The following ANKRD44 variants were observed in gnomAD, a reference collection of about 807,000 sequenced individuals.
ANKRD44 encodes the protein serine/threonine-protein phosphatase 6 regulatory ankyrin repeat subunit B.
Under a neutral mutation model 116.0 loss-of-function variants are expected in ANKRD44, and 35 were observed. The observed-to-expected ratio is 0.30, with a 90% CI of 0.23 to 0.40. The LOEUF is 0.40. ANKRD44 is among the 10% of genes least tolerant of loss of function. ANKRD44 has a pLI of 1.00. For missense variants in ANKRD44, 1,014 were observed against 1,242.6 expected (o/e 0.82, Z 2.77); for synonymous variants, 435 against 461.8 (o/e 0.94, Z 0.74).
chr2:197,310,722 G>A lies in ANKRD44; in HGVS notation c.-118C>T. The A allele has an allele frequency of 9.1e-7, 1 of 1,100,604 alleles. No individual in the cohort carries two copies. The allele number at this position is 1,100,604 out of a possible 1,614,324, so 68.2% of individuals were successfully genotyped here. ...GGGAAAAAATCTGGCTCCCGAATTT[G>A]ACAGCCCTCCCCCTGCTCCTCCTCC... On this transcript the variant is annotated 5_prime_UTR_variant, in exon 1 of 28. Coordinates refer to ENST00000282272, the MANE Select transcript of ANKRD44 (RefSeq NM_001195144.2).
At chr2:197,117,632 A>G (rs1375762321) in intron 8 of ANKRD44, among the ~76,000 whole-genome samples, 1 of 151,856 alleles carries the variant, frequency 6.6e-6, no homozygotes, top group Non-Finnish European at 1.5e-5. Flanking sequence ...GGCCTCCCAA[A>G]GTGCTGGATT....
chr2:197,231,663 G>A (rs1022788943), intron 1 of ANKRD44, among the ~76,000 whole-genome samples: 12 of 151,584 alleles, frequency 7.9e-5, no homozygotes, highest in African/African-American at 2.9e-4. Flanking sequence ...AGAGGCCCGG[G>A]ATGCTGCTAA....
chr2:197,103,368 CAGATAT>C (rs1044499396), intron 9 of ANKRD44, among the ~76,000 whole-genome samples: 12 of 151,784 alleles, frequency 7.9e-5, no homozygotes, highest in African/African-American at 2.9e-4. Context: ...TTTTCTTTTT[CAGATAT>C]AGATATCTGA....
intron 1 of ANKRD44, among the ~76,000 whole-genome samples, chr2:197,282,698 C>T (rs1270326474): frequency 1.3e-5 from 2 of 152,202 alleles, no homozygotes; most frequent in Non-Finnish European, 2.9e-5. Flanking sequence ...GTGGCTCACA[C>T]TTGTAATCCC....
At chr2:197,060,610 G>T (rs949267801) in intron 16 of ANKRD44, among the ~76,000 whole-genome samples, 1 of 152,156 alleles carries the variant, frequency 6.6e-6, no homozygotes, top group East Asian at 1.9e-4. Context: ...TAGTCCTCAT[G>T]CTGTACGTTA....
At chr2:197,056,044 G>A (rs1373693916) in intron 16 of ANKRD44, among the ~76,000 whole-genome samples, 1 of 152,024 alleles carries the variant, frequency 6.6e-6, no homozygotes, top group East Asian at 1.9e-4. Flanking sequence ...GTGCCACCAT[G>A]CCTGGCTAAT....
intron 1 of ANKRD44, among the ~76,000 whole-genome samples, chr2:197,292,183 T>C (rs1418586718): frequency 6.6e-6 from 1 of 152,250 alleles, no homozygotes; most frequent in Non-Finnish European, 1.5e-5. Context: ...CCTTTGGATA[T>C]ATACCCAGTA....
intron 16 of ANKRD44, among the ~76,000 whole-genome samples, chr2:197,071,134 A>G (rs1369483124): frequency 6.6e-6 from 1 of 152,104 alleles, no homozygotes; most frequent in Non-Finnish European, 1.5e-5. Flanking sequence ...CACGTTTGTC[A>G]ATGTTACTGA....
At chr2:197,037,740 C>T (rs894971261) in intron 16 of ANKRD44, among the ~76,000 whole-genome samples, 14 of 152,158 alleles carry the variant, frequency 9.2e-5, no homozygotes, top group Admixed American at 3.9e-4. Flanking sequence ...GAGTTTGAGA[C>T]CAGCCTTGGC....
At chr2:197,039,200 G>C (rs2076862186) in intron 16 of ANKRD44, among the ~76,000 whole-genome samples, 1 of 152,162 alleles carries the variant, frequency 6.6e-6, no homozygotes. Flanking sequence ...CAAAAGAGGG[G>C]AGGAATGTTT....
chr2:197,081,036 G>A (rs1369888580), intron 15 of ANKRD44, among the ~76,000 whole-genome samples: 1 of 152,218 alleles, frequency 6.6e-6, no homozygotes, highest in African/African-American at 2.4e-5. Flanking sequence ...GGACGAAGCT[G>A]TAGAGGTTCC....
At chr2:197,064,458 G>C (rs2077387671) in intron 16 of ANKRD44, among the ~76,000 whole-genome samples, 1 of 152,074 alleles carries the variant, frequency 6.6e-6, no homozygotes, top group Non-Finnish European at 1.5e-5. Flanking sequence ...ACAATATTAA[G>C]CTTAAACGTA....
At chr2:197,016,866 G>C (rs530878667) in intron 17 of ANKRD44, among the ~76,000 whole-genome samples, 1 of 152,068 alleles carries the variant, frequency 6.6e-6, no homozygotes, top group African/African-American at 2.4e-5. Context: ...TTGAAAAAAG[G>C]CTCAGCACAG....
At position 197,292,222 on chromosome 2, in the gene ANKRD44, T is replaced by C. The variant is rs188504329; in HGVS notation, c.27+18356A>G. Among the ~76,000 whole-genome samples the C allele has an allele frequency of 3.9e-5, 6 of 152,362 alleles. No individual in the cohort carries two copies. In the East Asian group the frequency reaches 5.8e-4, roughly 15 times the overall value. ...GGATTGCTGGGTCAAATAGTATTTC[T>C]AGTTCTAGATTCTTGAGAGATCGCC... On this transcript the variant is annotated intron_variant, in intron 1 of 27. Transcript: ENST00000282272.
Position 196,969,549 on chromosome 2 carries a change from T to C in ANKRD44, c.2369-2103A>G, listed in dbSNP as rs113989350. Among the ~76,000 whole-genome samples, 136 of 152,356 alleles carry C rather than the reference T, an allele frequency of 8.9e-4. 1 individual carries two copies. The highest frequency in any genetic ancestry group is 2.4e-3 in the African/African-American group (98 of 41,588). ...GCATTGGCACAGAACATTTTATCTCTATCACACAGATGTAATCACATAATT... is the reference window on the plus strand; with the variant it reads ...GCATTGGCACAGAACATTTTATCTCCATCACACAGATGTAATCACATAATT... On this transcript the variant is annotated intron_variant, in intron 21 of 21. Coordinates refer to the ANKRD44 transcript ENST00000424317.
chr2:197,056,419 T>C (rs993222867), intron 16 of ANKRD44, among the ~76,000 whole-genome samples: 1 of 152,202 alleles, frequency 6.6e-6, no homozygotes, highest in African/African-American at 2.4e-5. Flanking sequence ...TTCTCCATAA[T>C]GTATTATAGT....
intron 1 of ANKRD44, among the ~76,000 whole-genome samples, chr2:197,209,999 A>T (rs925645001): frequency 6.6e-6 from 1 of 152,008 alleles, no homozygotes; most frequent in Admixed American, 6.6e-5. Context: ...ACAGGAATCC[A>T]CTCCTACTAC....
intron 18 of ANKRD44, among the ~76,000 whole-genome samples, chr2:197,009,869 C>G (rs566177559): frequency 1.3e-5 from 2 of 152,210 alleles, no homozygotes; most frequent in African/African-American, 4.8e-5. Flanking sequence ...CACTTGGGGT[C>G]CTTTCTTATC....
At chr2:197,084,803 T>C (rs1353771006) in intron 13 of ANKRD44, among the ~76,000 whole-genome samples, 1 of 152,244 alleles carries the variant, frequency 6.6e-6, no homozygotes, top group Non-Finnish European at 1.5e-5. Flanking sequence ...GCATATGTTT[T>C]AATTAGACTG....
Sources: gnomAD v4.1 joint callset for allele counts (sites outside exome capture counted in the v4.1 genomes callset) on GRCh38, gnomAD v4.1.1 for gene constraint, MANE v1.5 for transcripts, NCBI Gene and HGNC (gene_info 2026-07-23, HGNC 2026-07-21) for gene names.